The following HAPLN1 variants were observed in gnomAD, a reference collection of about 807,000 sequenced individuals.
HAPLN1 encodes Cartilage link protein.
HAPLN1 carries 13 observed loss-of-function variants against 36.5 expected under a neutral mutation model. That is an observed-to-expected ratio of 0.36 (90% CI 0.23 to 0.57). The LOEUF (loss-of-function observed/expected upper bound fraction) is 0.57, where lower values mean the gene tolerates loss of function less well. Ranked by LOEUF, HAPLN1 falls within the 20% of genes least tolerant of loss-of-function variation. The probability of loss-of-function intolerance (pLI) is 0.83; values close to 1 mark genes in which losing one functional copy is unlikely to be tolerated. For synonymous variants in HAPLN1, 202 were observed against 169.8 expected, an observed-to-expected ratio of 1.19 and a Z score of -1.48; for missense variants, 407 against 439.7, an observed-to-expected ratio of 0.93 and a Z score of 0.66.
At chr5:83,689,507 G>T (rs557768181) in intron 1 of HAPLN1, among the ~76,000 whole-genome samples, 2 of 152,006 alleles carry the variant, frequency 1.3e-5, no homozygotes, top group South Asian at 4.1e-4. Context: ...AAGGGAAAAA[G>T]GAGTCTCTGG....
chr5:83,713,712 A>T (rs73771338), intron 1 of HAPLN1, among the ~76,000 whole-genome samples: 9,134 of 152,118 alleles, frequency 0.06, 334 homozygotes, highest in Admixed American at 0.071. Context: ...TTCTTCCTAT[A>T]TTCCTAATCT....
intron 1 of HAPLN1, among the ~76,000 whole-genome samples, chr5:83,689,282 G>A (rs933862686): frequency 2.6e-5 from 4 of 152,058 alleles, no homozygotes; most frequent in African/African-American, 9.7e-5. Flanking sequence ...CCTAAATAAT[G>A]ACTGTTCTCC....
chr5:83,648,566 T>A (rs2112561015), intron 3 of HAPLN1, among the ~76,000 whole-genome samples: 1 of 151,528 alleles, frequency 6.6e-6, no homozygotes, highest in African/African-American at 2.4e-5. Flanking sequence ...AATTTTTTTT[T>A]CTAATTAGTA....
Position 83,699,489 on chromosome 5 carries a change from T to C in HAPLN1, c.-27+21300A>G, listed in dbSNP as rs547747516. On this transcript the variant is annotated intron_variant, in intron 1 of 4. Coordinates refer to ENST00000274341, the MANE Select transcript of HAPLN1 (RefSeq NM_001884.4). ...CTGAGAGATCTTTAATCAAAAGGTATAAATGTTCCCCAGAGCATGAATATA... is the reference window on the plus strand; with the variant it reads ...CTGAGAGATCTTTAATCAAAAGGTACAAATGTTCCCCAGAGCATGAATATA... Among the ~76,000 whole-genome samples, 519 of 152,306 alleles carry C rather than the reference T, an allele frequency of 3.4e-3. 2 individuals carry two copies. The highest frequency in any genetic ancestry group is 5.0e-3 in the Non-Finnish European group (339 of 68,022).
intron 1 of HAPLN1, among the ~76,000 whole-genome samples, chr5:83,718,777 A>T (rs528030796): frequency 6.6e-6 from 1 of 152,230 alleles, no homozygotes; most frequent in Non-Finnish European, 1.5e-5. Flanking sequence ...AGAGATCATG[A>T]TCTTAAAAAT....
intron 1 of HAPLN1, among the ~76,000 whole-genome samples, chr5:83,713,636 G>A (rs1164381256): frequency 6.6e-6 from 1 of 152,102 alleles, no homozygotes; most frequent in African/African-American, 2.4e-5. Flanking sequence ...ACTCCTATGA[G>A]TTTTTGGCTG....
At chr5:83,676,365 T>A (rs538360990) in intron 1 of HAPLN1, among the ~76,000 whole-genome samples, 2 of 152,320 alleles carry the variant, frequency 1.3e-5, no homozygotes, top group African/African-American at 4.8e-5. Context: ...TGTGCTGGAT[T>A]CAATACAATC....
At chr5:83,677,649 G>T (rs997198805) in intron 1 of HAPLN1, among the ~76,000 whole-genome samples, 1 of 152,066 alleles carries the variant, frequency 6.6e-6, no homozygotes, top group Admixed American at 6.6e-5. Context: ...CTCTATTCCA[G>T]GTCTCACAAC....
chr5:83,693,313 A>T (rs188040023), intron 1 of HAPLN1, among the ~76,000 whole-genome samples: 2 of 152,042 alleles, frequency 1.3e-5, no homozygotes, highest in African/African-American at 4.8e-5. Flanking sequence ...TAAAGCAGCC[A>T]GTAGAAATGT....
At chr5:83,643,586 C>T (rs935975544) in intron 4 of HAPLN1, among the ~76,000 whole-genome samples, 4 of 151,902 alleles carry the variant, frequency 2.6e-5, no homozygotes, top group Non-Finnish European at 5.9e-5. Context: ...CAAGGAGCTC[C>T]ACATTTTCTT....
chr5:83,664,008 C>T lies in HAPLN1; in HGVS notation c.100+9416G>A, dbSNP rs555209830. On this transcript the variant is annotated intron_variant, in intron 2 of 4. Coordinates refer to ENST00000274341, the MANE Select transcript of HAPLN1 (RefSeq NM_001884.4). ...TATGTCACCCTTTGCTCAAACAAAC[C>T]TTTTAAACATTTTCAAATGATTTTG... 5.2e-4 allele frequency among the ~76,000 whole-genome samples: 79 copies of T among 151,956 alleles called. 1 individual carries two copies. Among genetic ancestry groups the T allele is most frequent in the Non-Finnish European group, 9.1e-4 (62 of 67,998 alleles).
chr5:83,647,104 C>G (rs879329466), intron 3 of HAPLN1, among the ~76,000 whole-genome samples: 1 of 152,142 alleles, frequency 6.6e-6, no homozygotes, highest in African/African-American at 2.4e-5. Flanking sequence ...TCATAAACAT[C>G]GGGACAAGTT....
chr5:83,710,511 G>T (rs1312970918), intron 1 of HAPLN1, among the ~76,000 whole-genome samples: 2 of 151,990 alleles, frequency 1.3e-5, no homozygotes, highest in African/African-American at 4.8e-5. Flanking sequence ...AGAGGATGGG[G>T]GTGAGGGGAT....
At chr5:83,677,813 A>T (rs1309115481) in intron 1 of HAPLN1, among the ~76,000 whole-genome samples, 1 of 152,204 alleles carries the variant, frequency 6.6e-6, no homozygotes. Flanking sequence ...ATTGATCGTT[A>T]TGGATAAATG....
Position 83,640,664 on chromosome 5 carries a change from T to TTA in HAPLN1, c.*831_*832insTA, listed in dbSNP as rs1430127498. 3.3e-5 allele frequency: 5 copies of TTA among 152,204 alleles called. No individual in the cohort carries two copies. Among genetic ancestry groups the TTA allele is most frequent in the Non-Finnish European group, 7.4e-5 (5 of 68,010 alleles). 9.4% of individuals were successfully genotyped at this position (152,204 alleles called of 1,614,324 possible). Reference sequence around the variant, plus strand: ...TTTTCTGTCCAGCAGTTTATCTATATAACTGCCCTGAGTAGATGCTAAATG... The same window carrying TTA: ...TTTTCTGTCCAGCAGTTTATCTATATTAAACTGCCCTGAGTAGATGCTAAATG... On this transcript the variant is annotated 3_prime_UTR_variant, in exon 5 of 5. Coordinates refer to ENST00000274341, the MANE Select transcript of HAPLN1 (RefSeq NM_001884.4).
chr5:83,692,056 G>T (rs926300482), intron 1 of HAPLN1, among the ~76,000 whole-genome samples: 7 of 151,794 alleles, frequency 4.6e-5, no homozygotes, highest in Non-Finnish European at 1.0e-4. Flanking sequence ...GAGTGAAGTT[G>T]AAGATGTTGC....
At chr5:83,672,888 G>T (rs1182662748) in intron 2 of HAPLN1, among the ~76,000 whole-genome samples, 1 of 152,192 alleles carries the variant, frequency 6.6e-6, no homozygotes, top group Non-Finnish European at 1.5e-5. Context: ...ACAGCTCTCA[G>T]GCTTAGGAAT....
chr5:83,671,808 C>T (rs1171206957), intron 2 of HAPLN1, among the ~76,000 whole-genome samples: 1 of 152,164 alleles, frequency 6.6e-6, no homozygotes, highest in Non-Finnish European at 1.5e-5. Context: ...TCGAGGCAAG[C>T]CTGCACTTTC....
At chr5:83,673,343 T>C (rs1411680506) in intron 2 of HAPLN1, 81 bp downstream of exon 2, 3 of 953,056 alleles carry the variant, frequency 3.1e-6, no homozygotes, top group African/African-American at 3.4e-5. Context: ...GAACTAAAAT[T>C]AAGAAACACT....
Sources: allele counts gnomAD v4.1 joint callset (sites outside exome capture counted in the v4.1 genomes callset), GRCh38; gene constraint gnomAD v4.1.1; transcripts MANE v1.5; gene names NCBI Gene and HGNC (gene_info 2026-07-23, HGNC 2026-07-21).